Variants in SEMA3A observed in about 807,000 individuals in gnomAD.
SEMA3A encodes semaphorin-3A.
Under a neutral mutation model 97.9 loss-of-function variants are expected in SEMA3A, and 29 were observed. That is an observed-to-expected ratio of 0.30 (90% CI 0.22 to 0.40). The LOEUF is 0.40. SEMA3A is among the 10% of genes least tolerant of loss of function. The pLI is 1.00. For synonymous variants in SEMA3A, 321 were observed against 323.7 expected (o/e 0.99, Z 0.09); for missense variants, 763 against 951.3 (o/e 0.80, Z 2.60).
At chr7:84,405,024 G>A (rs1015799239) in intron 1 of SEMA3A, among the ~76,000 whole-genome samples, 3 of 152,092 alleles carry the variant, frequency 2.0e-5, no homozygotes, top group Admixed American at 6.6e-5. Context: ...ATAATGACAG[G>A]ATCAAATTCA....
At chr7:84,139,290 T>A (rs1049512372) in intron 1 of SEMA3A, among the ~76,000 whole-genome samples, 5 of 152,114 alleles carry the variant, frequency 3.3e-5, no homozygotes, top group African/African-American at 1.2e-4. Flanking sequence ...TTTAGAGGCA[T>A]TAATTCTCTT....
intron 13 of SEMA3A, among the ~76,000 whole-genome samples, chr7:83,984,653 G>A (rs1188361491): frequency 3.1e-5 from 4 of 128,094 alleles, no homozygotes; most frequent in African/African-American, 8.8e-5. Context: ...TGATATACTG[G>A]ACAGAAGAAA....
At chr7:84,218,770 CCTAA>C (rs1287667732) in intron 3 of SEMA3A, among the ~76,000 whole-genome samples, 3 of 151,878 alleles carry the variant, frequency 2.0e-5, no homozygotes, top group Non-Finnish European at 4.4e-5. Flanking sequence ...TTTAATTTTT[CCTAA>C]CTTAGAGGAG....
intron 1 of SEMA3A, among the ~76,000 whole-genome samples, chr7:84,191,188 T>A (rs2116268138): frequency 6.7e-6 from 1 of 150,184 alleles, no homozygotes; most frequent in South Asian, 2.1e-4. Flanking sequence ...AATTTTTATT[T>A]AATTGATAAC....
chr7:84,407,078 G>T (rs1431893890), intron 1 of SEMA3A, among the ~76,000 whole-genome samples: 1 of 152,078 alleles, frequency 6.6e-6, no homozygotes, highest in Non-Finnish European at 1.5e-5. Context: ...AGGAAATAAA[G>T]GGTATTCAAT....
Position 83,997,119 on chromosome 7 carries a change from G to A in SEMA3A, c.1452+4836C>T, listed in dbSNP as rs3801592. On this transcript the variant is annotated intron_variant, in intron 12 of 16. Coordinates refer to ENST00000265362, the MANE Select transcript of SEMA3A (RefSeq NM_006080.3). ...AGGTTTGGTTATTCATTCTGTCAAGGACACATAATGAACATGGCCTCATGA... is the reference window on the plus strand; with the variant it reads ...AGGTTTGGTTATTCATTCTGTCAAGAACACATAATGAACATGGCCTCATGA... Among the ~76,000 whole-genome samples the A allele has an allele frequency of 8.9e-4, 135 of 152,170 alleles. 3 individuals are homozygous for A. In the East Asian group the frequency reaches 0.016, roughly 18 times the overall value.
Position 83,961,824 on chromosome 7 carries a change from G to A in SEMA3A, c.1863C>T (p.Ile621=), listed in dbSNP as rs1234836294. 6.2e-7 allele frequency: 1 copy of A among 1,609,318 alleles called. No homozygotes were observed. The highest frequency in any genetic ancestry group is 1.3e-5 in the African/African-American group (1 of 74,656). ...QRRNEERKEE[I]RVDDHIIRTD... ...TCCTGATGATATGATCATCCACTCT[G>A]ATCTAGCAGGTTAAAAAAAAGGCAG... Residue 621 remains isoleucine (I), a splice_region_variant and synonymous_variant, in exon 17 of 17, where the codon ATC becomes ATT. Coordinates refer to ENST00000265362, the MANE Select transcript of SEMA3A (RefSeq NM_006080.3).
chr7:83,982,242 T>C (rs534827729), intron 13 of SEMA3A, among the ~76,000 whole-genome samples: 245 of 152,300 alleles, frequency 1.6e-3, no homozygotes, highest in Non-Finnish European at 3.0e-3. Context: ...AAGAATTAAC[T>C]TCCTTATTAA....
chr7:83,983,529 T>G (rs1789510421), intron 13 of SEMA3A, among the ~76,000 whole-genome samples: 1 of 149,464 alleles, frequency 6.7e-6, no homozygotes, highest in Non-Finnish European at 1.5e-5. Context: ...GTCATATTCC[T>G]TTAGGGGAGA....
intron 1 of SEMA3A, among the ~76,000 whole-genome samples, chr7:84,170,467 T>C (rs1197676630): frequency 6.6e-6 from 1 of 151,982 alleles, no homozygotes; most frequent in African/African-American, 2.4e-5. Flanking sequence ...TTGGTTTATT[T>C]AGAAAATCCT....
At position 84,438,441 on chromosome 7, in the gene SEMA3A, T is replaced by C. The variant is rs1052155457; in HGVS notation, c.-246+54019A>G. Among the ~76,000 whole-genome samples, 4 of 152,238 alleles carry C rather than the reference T, an allele frequency of 2.6e-5. No individual in the cohort carries two copies. The South Asian group carries it at 6.2e-4, about 24-fold the overall frequency. On this transcript the variant is annotated intron_variant, in intron 1 of 3. Transcript: ENST00000424555. Reference sequence around the variant, plus strand: ...CCATAGAAGACCAATACAATAATTATAGTATGTGTGCTACAGTAAGTATGG... The same window carrying C: ...CCATAGAAGACCAATACAATAATTACAGTATGTGTGCTACAGTAAGTATGG...
chr7:84,332,674 TACACACACAC>T (rs3048014), intron 2 of SEMA3A, among the ~76,000 whole-genome samples: 1 of 149,920 alleles, frequency 6.7e-6, no homozygotes, highest in Non-Finnish European at 1.5e-5. Context: ...TGTGTGTGTA[TACACACACAC>T]ACACACACAC....
At chr7:84,201,695 T>A (rs375695412) in intron 3 of SEMA3A, among the ~76,000 whole-genome samples, 69 of 152,254 alleles carry the variant, frequency 4.5e-4, no homozygotes, top group African/African-American at 1.4e-3. Context: ...ATAGAACTAA[T>A]CTCTTTGAAA....
chr7:84,154,233 A>G (rs912605377), intron 1 of SEMA3A, among the ~76,000 whole-genome samples: 1 of 152,206 alleles, frequency 6.6e-6, no homozygotes, highest in African/African-American at 2.4e-5. Context: ...TAAAAATACA[A>G]TACAACTTAT....
intron 1 of SEMA3A, among the ~76,000 whole-genome samples, chr7:84,454,190 G>A (rs1244803515): frequency 6.6e-6 from 1 of 152,100 alleles, no homozygotes; most frequent in Admixed American, 6.5e-5. Context: ...GCTGCAATTT[G>A]GGGAATATTT....
chr7:84,283,154 A>T (rs573206807), intron 3 of SEMA3A, among the ~76,000 whole-genome samples: 8 of 152,192 alleles, frequency 5.3e-5, no homozygotes, highest in Admixed American at 5.2e-4. Context: ...AAGGTTACGA[A>T]CAGTAAGAGG....
intron 1 of SEMA3A, among the ~76,000 whole-genome samples, chr7:84,468,188 ACTCT>A (rs1226605613): frequency 3.3e-5 from 5 of 151,906 alleles, no homozygotes; most frequent in Admixed American, 2.0e-4. Context: ...AAATTGGAAC[ACTCT>A]CTTCCCCCCA....
intron 1 of SEMA3A, among the ~76,000 whole-genome samples, chr7:84,161,138 G>A (rs1288344182): frequency 2.0e-5 from 3 of 151,980 alleles, no homozygotes; most frequent in Non-Finnish European, 1.5e-5. Flanking sequence ...GGCCGAGGTG[G>A]GCTGATCACG....
At chr7:84,018,025 G>T (rs1175071285) in intron 6 of SEMA3A, among the ~76,000 whole-genome samples, 1 of 152,090 alleles carries the variant, frequency 6.6e-6, no homozygotes, top group Non-Finnish European at 1.5e-5. Flanking sequence ...GAACCCTAGT[G>T]TTGCTAAGAA....
Sources: allele counts gnomAD v4.1 joint callset (sites outside exome capture counted in the v4.1 genomes callset), GRCh38; gene constraint gnomAD v4.1.1; transcripts MANE v1.5; gene names NCBI Gene and HGNC (gene_info 2026-07-23, HGNC 2026-07-21).